The following SLC9A9 variants were observed in gnomAD, a reference collection of about 807,000 sequenced individuals.
SLC9A9 encodes the protein sodium/hydrogen exchanger 9.
A neutral mutation model predicts 77.8 loss-of-function variants in SLC9A9; 62 were observed. The ratio of observed to expected loss-of-function variants is 0.80; its 90% CI spans 0.65 to 0.98. The LOEUF is 0.98. Among genes scored for constraint, SLC9A9 ranks in the 50% least tolerant of loss-of-function variants. SLC9A9 has a pLI of 0.00. For missense variants in SLC9A9, 775 were observed against 774.9 expected (o/e 1.00, Z 0.00); for synonymous variants, 320 against 283.5 (o/e 1.13, Z -1.29).
chr3:143,289,853 G>T (rs1408941389), intron 14 of SLC9A9, among the ~76,000 whole-genome samples: 2 of 152,146 alleles, frequency 1.3e-5, no homozygotes, highest in African/African-American at 4.8e-5. Flanking sequence ...ATGCTGACCA[G>T]ATCATGGGAC....
chr3:143,654,162 T>C (rs972896783), intron 5 of SLC9A9, among the ~76,000 whole-genome samples: 27 of 152,228 alleles, frequency 1.8e-4, no homozygotes, highest in African/African-American at 6.3e-4. Context: ...GACAAAAGCA[T>C]GCGAGGTAAT....
At chr3:143,611,856 C>T (rs2038027805) in intron 6 of SLC9A9, among the ~76,000 whole-genome samples, 1 of 152,110 alleles carries the variant, frequency 6.6e-6, no homozygotes, top group Admixed American at 6.6e-5. Flanking sequence ...GTCTCAGCCT[C>T]CTGAATAGCT....
At position 143,465,698 on chromosome 3, in the gene SLC9A9, C is replaced by T. The variant is rs567177064; in HGVS notation, c.1469+1339G>A. 2.3e-4 allele frequency among the ~76,000 whole-genome samples: 35 copies of T among 152,258 alleles called. No individual in the cohort carries two copies. The South Asian group carries it at 6.0e-3, about 26-fold the overall frequency. ...TTTTCCAGAAACCTAAACACACCAC[C>T]GTCTTACTAACAGTTCACAGGAGAC... On this transcript the variant is annotated intron_variant, in intron 12 of 15. Transcript: ENST00000316549.
At chr3:143,278,188 G>A (rs1938109703) in intron 14 of SLC9A9, among the ~76,000 whole-genome samples, 1 of 152,204 alleles carries the variant, frequency 6.6e-6, no homozygotes, top group Non-Finnish European at 1.5e-5. Context: ...AGCAACTGCA[G>A]TGTAGGCCCC....
chr3:143,521,325 A>G (rs2036295190), intron 9 of SLC9A9, among the ~76,000 whole-genome samples: 1 of 152,134 alleles, frequency 6.6e-6, no homozygotes, highest in Non-Finnish European at 1.5e-5. Context: ...AGGGGCCTGA[A>G]GGGGGCTTCT....
intron 14 of SLC9A9, 107 bp from the exon 15 acceptor site, chr3:143,269,087 C>T (rs1395429829): frequency 2.5e-5 from 20 of 810,784 alleles, no homozygotes; most frequent in Non-Finnish European, 1.1e-5. Context: ...CTTTAAATCC[C>T]CTACTCCCTC....
chr3:143,275,749 G>T (rs1938027696), intron 14 of SLC9A9, among the ~76,000 whole-genome samples: 1 of 151,872 alleles, frequency 6.6e-6, no homozygotes, highest in Non-Finnish European at 1.5e-5. Context: ...ATTTTGATTT[G>T]TTTTATGAGC....
intron 14 of SLC9A9, among the ~76,000 whole-genome samples, chr3:143,328,123 G>T (rs992775682): frequency 3.3e-5 from 5 of 152,092 alleles, no homozygotes; most frequent in Non-Finnish European, 5.9e-5. Flanking sequence ...TACTATAGTG[G>T]TAGATACATG....
At chr3:143,348,437 A>G (rs2032359354) in intron 14 of SLC9A9, among the ~76,000 whole-genome samples, 1 of 152,168 alleles carries the variant, frequency 6.6e-6, no homozygotes, top group African/African-American at 2.4e-5. Context: ...AAGCACCTTT[A>G]TTTACTATAT....
intron 1 of SLC9A9, among the ~76,000 whole-genome samples, chr3:143,835,070 C>T (rs909608644): frequency 2.0e-4 from 31 of 152,138 alleles, no homozygotes; most frequent in African/African-American, 7.5e-4. Context: ...TTAATCTTGC[C>T]AAACTTTTCC....
chr3:143,406,397 G>A (rs1235683703), intron 12 of SLC9A9, among the ~76,000 whole-genome samples: 2 of 149,798 alleles, frequency 1.3e-5, no homozygotes, highest in Non-Finnish European at 1.5e-5. Flanking sequence ...TTTTTTTTGA[G>A]ATGGAATCTC....
chr3:143,463,554 G>A (rs1289514591), intron 12 of SLC9A9, among the ~76,000 whole-genome samples: 1 of 152,190 alleles, frequency 6.6e-6, no homozygotes, highest in Non-Finnish European at 1.5e-5. Flanking sequence ...GGAGACTCCT[G>A]TTGGGTTTTC....
chr3:143,381,601 A>T (rs1389756792), intron 13 of SLC9A9, among the ~76,000 whole-genome samples: 1 of 152,238 alleles, frequency 6.6e-6, no homozygotes, highest in African/African-American at 2.4e-5. Flanking sequence ...ATTGTTGCTC[A>T]ATTAAGTCAA....
chr3:143,320,207 C>T (rs531466050), intron 14 of SLC9A9, among the ~76,000 whole-genome samples: 45 of 152,222 alleles, frequency 3.0e-4, no homozygotes, highest in African/African-American at 8.2e-4. Flanking sequence ...ATCTTACTAT[C>T]GTATCCTCAG....
intron 14 of SLC9A9, chr3:143,342,416 C>A (rs1179117779): frequency 4.6e-5 from 7 of 152,216 alleles, no homozygotes; most frequent in Non-Finnish European, 1.0e-4. Flanking sequence ...AACTGCTGAC[C>A]TCAAGTGATC....
rs570773015 is a variant in SLC9A9 at position 143,805,799 on chromosome 3, C to T, written c.379-8896G>A. On this transcript the variant is annotated intron_variant, in intron 2 of 15. Coordinates refer to ENST00000316549, the MANE Select transcript of SLC9A9 (RefSeq NM_173653.4). ...CATTACCTACCCAAATCCTATAAAA[C>T]GGCCCCACCCCTATCTCCCTTCGCT... 7.8e-4 allele frequency among the ~76,000 whole-genome samples: 118 copies of T among 152,206 alleles called. 1 individual carries two copies. The highest frequency in any genetic ancestry group is 2.6e-3 in the African/African-American group (108 of 41,546).
intron 9 of SLC9A9, among the ~76,000 whole-genome samples, chr3:143,531,548 G>T (rs1254571461): frequency 6.6e-6 from 1 of 152,134 alleles, no homozygotes; most frequent in African/African-American, 2.4e-5. Flanking sequence ...TAGGAAGAAG[G>T]CAGTCTACAC....
At chr3:143,504,515 G>A (rs900215634) in intron 9 of SLC9A9, among the ~76,000 whole-genome samples, 4 of 152,078 alleles carry the variant, frequency 2.6e-5, no homozygotes, top group East Asian at 1.9e-4. Flanking sequence ...TTAAGGCCAC[G>A]GTTCCCCAGT....
chr3:143,378,038 G>C (rs2033220423), intron 13 of SLC9A9, among the ~76,000 whole-genome samples: 1 of 152,190 alleles, frequency 6.6e-6, no homozygotes, highest in Non-Finnish European at 1.5e-5. Context: ...TCTGGCCTCT[G>C]ATCAAATGCC....
Sources: gnomAD v4.1 joint callset for allele counts (sites outside exome capture counted in the v4.1 genomes callset) on GRCh38, gnomAD v4.1.1 for gene constraint, MANE v1.5 for transcripts, NCBI Gene and HGNC (gene_info 2026-07-23, HGNC 2026-07-21) for gene names.